The following LRP8 variants were observed in gnomAD, a reference collection of about 807,000 sequenced individuals.
LRP8 encodes low-density lipoprotein receptor-related protein 8.
A neutral mutation model predicts 111.6 loss-of-function variants in LRP8; 46 were observed. That is an observed-to-expected ratio of 0.41 (90% CI 0.33 to 0.53). LRP8 has a LOEUF of 0.53. Among genes scored for constraint, LRP8 ranks in the 20% least tolerant of loss-of-function variants. The pLI is 0.20. For synonymous variants in LRP8, 464 were observed against 511.2 expected, an observed-to-expected ratio of 0.91 and a Z score of 1.24; for missense variants, 959 against 1,297.4, an observed-to-expected ratio of 0.74 and a Z score of 4.01.
At chr1:53,304,194 T>C (rs1396695021) in intron 2 of LRP8, among the ~76,000 whole-genome samples, 1 of 152,158 alleles carries the variant, frequency 6.6e-6, no homozygotes, top group Non-Finnish European at 1.5e-5. Context: ...TTGCTCCAAG[T>C]GAAGAGAAAA....
intron 2 of LRP8, among the ~76,000 whole-genome samples, chr1:53,296,135 C>A (rs1024936462): frequency 1.4e-4 from 22 of 152,222 alleles, no homozygotes; most frequent in African/African-American, 5.3e-4. Flanking sequence ...TGATACCCAG[C>A]CACCTAGGAC....
chr1:53,274,848 G>A (rs1646869435), intron 6 of LRP8: 1 of 456,192 alleles, frequency 2.2e-6, no homozygotes, highest in African/African-American at 2.0e-5. Flanking sequence ...AGAGTGGACA[G>A]TGCCTGTGAG....
In LRP8 at chr1:53,250,302, T is replaced by A. The variant is rs995957531; in HGVS notation, c.2676+388A>T. On this transcript the variant is annotated intron_variant, in intron 17 of 18. Coordinates refer to ENST00000306052, the MANE Select transcript of LRP8 (RefSeq NM_004631.5). This position sits in a 1 kb window ranked among gnomAD's most constrained non-coding sequence, Gnocchi z 4.6. ...TTCCAGGCTAAAGGTTCTGAAAATTTACTGAGCAGAAAGAGAGACATTTGG... is the reference window on the plus strand; with the variant it reads ...TTCCAGGCTAAAGGTTCTGAAAATTAACTGAGCAGAAAGAGAGACATTTGG... Among the ~76,000 whole-genome samples the A allele has an allele frequency of 6.6e-6, 1 of 152,220 alleles. No homozygotes were observed. Among genetic ancestry groups the A allele is most frequent in the African/African-American group, 2.4e-5 (1 of 41,452 alleles).
At chr1:53,270,822 A>G (rs1456213916) in intron 8 of LRP8, among the ~76,000 whole-genome samples, 1 of 152,218 alleles carries the variant, frequency 6.6e-6, no homozygotes, top group Non-Finnish European at 1.5e-5. Flanking sequence ...TCTCCTTAAT[A>G]AACCTTCGGC....
Position 53,262,092 on chromosome 1 carries a change from G to A in LRP8, c.1890C>T (p.His630=). The change falls in exon 12 of 19, where the codon CAC becomes CAT. Residue 630 remains histidine, a synonymous_variant. Coordinates refer to ENST00000306052, the MANE Select transcript of LRP8 (RefSeq NM_004631.5). The surrounding 1 kb of genome is among the most constrained non-coding windows in gnomAD (Gnocchi z 4.8). ...CCTCAAACACAGCTATCCCAAAAGG[G>A]TGGCTCAGGAAGTCAGTGGAGGAGA... ...TLISSTDFLS[H]PFGIAVFEDK... 1 of 1,614,214 alleles carries A rather than the reference G, an allele frequency of 6.2e-7. No homozygotes were observed. Among genetic ancestry groups the A allele is most frequent in the Non-Finnish European group, 8.5e-7 (1 of 1,180,034 alleles).
rs115006238 is a variant in LRP8, at chr1:53,251,317, G to C, written c.2504-455C>G. On this transcript the variant is annotated intron_variant, in intron 16 of 18. Transcript: ENST00000306052. ...TTGCCCTAATGCTGCTGCTTCCCTAGATTTCTCTAAGAAAACGATTCTCTC... is the reference window on the plus strand; with the variant it reads ...TTGCCCTAATGCTGCTGCTTCCCTACATTTCTCTAAGAAAACGATTCTCTC... 3.9e-3 allele frequency among the ~76,000 whole-genome samples: 590 copies of C among 152,218 alleles called. 5 individuals carry two copies. The highest frequency in any genetic ancestry group is 0.014 in the African/African-American group (567 of 41,528).
chr1:53,283,444 G>A (rs1303104645), intron 3 of LRP8, among the ~76,000 whole-genome samples: 1 of 149,702 alleles, frequency 6.7e-6, no homozygotes, highest in East Asian at 2.1e-4. Flanking sequence ...ACATACCCGG[G>A]CCACTTACTT....
intron 18 of LRP8, 103 bp from the exon 19 acceptor site, chr1:53,247,159 C>T (rs1645752596): frequency 8.5e-6 from 7 of 819,844 alleles, no homozygotes; most frequent in Non-Finnish European, 1.3e-5. Flanking sequence ...GGTATTAGCT[C>T]ACATAATGTT....
At chr1:53,306,134 C>G (rs1651915156) in intron 2 of LRP8, 1 of 152,312 alleles carries the variant, frequency 6.6e-6, no homozygotes, top group Non-Finnish European at 1.5e-5. Flanking sequence ...CTCTACCAGA[C>G]TAGCAGCTCG....
At chr1:53,247,494 G>GGTA (rs1557738812) in intron 18 of LRP8, among the ~76,000 whole-genome samples, 1 of 152,148 alleles carries the variant, frequency 6.6e-6, no homozygotes, top group African/African-American at 2.4e-5. Flanking sequence ...CATTTAGAAA[G>GGTA]GTAATATACT....
chr1:53,310,068 C>T (rs1288486), intron 2 of LRP8, among the ~76,000 whole-genome samples: 66,458 of 151,944 alleles, frequency 0.44, 15,202 homozygotes, highest in East Asian at 0.68. Context: ...CGGAGCATAC[C>T]CACACCCTGG....
chr1:53,286,467 T>C (rs1417257278), intron 3 of LRP8, among the ~76,000 whole-genome samples: 1 of 152,136 alleles, frequency 6.6e-6, no homozygotes, highest in East Asian at 1.9e-4. Flanking sequence ...GAACTATAAC[T>C]CACCTTGAAC....
chr1:53,258,490 A>G lies in LRP8; in HGVS notation c.2057-19T>C. 2 of 1,612,570 alleles carry G rather than the reference A, an allele frequency of 1.2e-6. No homozygotes were observed. The highest frequency in any genetic ancestry group is 1.7e-6 in the Non-Finnish European group (2 of 1,179,266). On this transcript the variant is annotated intron_variant, in intron 13 of 18. Transcript: ENST00000306052. ...TCTGGAGCTAATGGCAGAGAGGGAG[A>G]CAGCTGGGGCACAGACAGGACATGC...
chr1:53,258,955 A>C (rs1007510733), intron 13 of LRP8, among the ~76,000 whole-genome samples: 1 of 152,146 alleles, frequency 6.6e-6, no homozygotes, highest in Non-Finnish European at 1.5e-5. Flanking sequence ...AGCTCCATCC[A>C]AGTTGCTGCA....
Position 53,327,707 on chromosome 1 carries a change from C to T in LRP8, c.124+82G>A, listed in dbSNP as rs571861560. ...CCCCCGATAGCCCCGGGTTCTGGAC[C>T]CCTCCCCGCTCCGGCCTCCCGGCCG... On this transcript the variant is annotated intron_variant, in intron 1 of 18. Transcript: ENST00000306052. 3.0e-4 allele frequency: 412 copies of T among 1,354,304 alleles called. 1 individual carries two copies. The African/African-American group carries it at 5.6e-3, about 18-fold the overall frequency. 83.9% of individuals were successfully genotyped at this position (1,354,304 alleles called of 1,614,324 possible). A position where few individuals can be genotyped will look rare whatever the true frequency, so the allele number is the denominator to read the frequency against.
chr1:53,247,071 C>T lies in LRP8; in HGVS notation c.2854-15G>A, dbSNP rs756843996. The T allele has an allele frequency of 1.1e-5, 18 of 1,582,712 alleles. No individual in the cohort carries two copies. Among genetic ancestry groups the T allele is most frequent in the Non-Finnish European group, 1.5e-5 (18 of 1,166,466 alleles). On this transcript the variant is annotated splice_polypyrimidine_tract_variant and intron_variant, in intron 18 of 18. Coordinates refer to ENST00000306052, the MANE Select transcript of LRP8 (RefSeq NM_004631.5). ...AATGCCACTCGCTGGGGAGACAAAC[C>T]AAAGAATTCATCATTAGATCCATAA...
chr1:53,277,046 G>A lies in LRP8; in HGVS notation c.529C>T (p.Arg177Cys). ...ACGAACACGGCGGCCAGGCACGAGC[G>A]GTTGCCGCACTGGAACTCGTGCGGG... ...CAPHEFQCGN[R>C]SCLAAVFVCD... Residue 177 changes from arginine to cysteine, a missense_variant, in exon 5 of 19, where the codon CGC becomes TGC. By Grantham distance (180) the Arg-to-Cys change is radical. Transcript: ENST00000306052. 1.3e-6 allele frequency: 2 copies of A among 1,523,182 alleles called. No individual in the cohort carries two copies. Among genetic ancestry groups the A allele is most frequent in the East Asian group, 5.1e-5 (2 of 39,486 alleles). The allele number at this position is 1,523,182 out of a possible 1,614,324, so 94.4% of individuals were successfully genotyped here.
Position 53,276,960 on chromosome 1 carries a change from G to C in LRP8, c.615C>G (p.Ala205=), listed in dbSNP as rs1243617328. The change falls in exon 5 of 19, where the codon GCC becomes GCG. Residue 205 remains alanine (A), a synonymous_variant. Coordinates refer to ENST00000306052, the MANE Select transcript of LRP8 (RefSeq NM_004631.5). The part of the protein sequence containing the change: ...GSDERGCADP[A]CGPREFRCGG... Reference sequence around the variant, plus strand: ...CGCAGCGGAACTCGCGGGGCCCGCAGGCCGGGTCTGCACAGCCGCGCTCAT... The same window carrying C: ...CGCAGCGGAACTCGCGGGGCCCGCACGCCGGGTCTGCACAGCCGCGCTCAT... 6.7e-7 allele frequency: 1 copy of C among 1,484,660 alleles called. No individual in the cohort carries two copies. The highest frequency in any genetic ancestry group is 1.5e-5 in the African/African-American group (1 of 68,106). The allele number at this position is 1,484,660 out of a possible 1,614,324, so 92.0% of individuals were successfully genotyped here.
chr1:53,275,693 A>G lies in LRP8; in HGVS notation c.944T>C (p.Ile315Thr). Residue 315 changes from isoleucine to threonine, a missense_variant, in exon 6 of 19, where the codon ATC becomes ACC. Transcript: ENST00000306052. This position sits in a 1 kb window ranked among gnomAD's most constrained non-coding sequence, Gnocchi z 4.4. ...QCGDGTCVLA[I>T]KHCNQEQDCP... ...GTCCTGCTCCTGGTTGCAGTGCTTGATTGCAAGGACACATGTCCCATCCCC... is the reference window on the plus strand; with the variant it reads ...GTCCTGCTCCTGGTTGCAGTGCTTGGTTGCAAGGACACATGTCCCATCCCC... The G allele has an allele frequency of 3.1e-6, 5 of 1,614,084 alleles. No individual in the cohort carries two copies. The highest frequency in any genetic ancestry group is 4.2e-6 in the Non-Finnish European group (5 of 1,179,984).
Sources: allele counts gnomAD v4.1 joint callset (sites outside exome capture counted in the v4.1 genomes callset), GRCh38; gene constraint gnomAD v4.1.1; non-coding constraint Gnocchi (gnomAD v3.1); transcripts MANE v1.5; gene names NCBI Gene and HGNC (gene_info 2026-07-23, HGNC 2026-07-21).